Variants in VAMP7 observed in about 807,000 individuals in gnomAD.
VAMP7 encodes the protein vesicle-associated membrane protein 7.
In VAMP7, 14 loss-of-function variants were observed where a neutral mutation model predicts 29.6. That is an observed-to-expected ratio of 0.47 (90% CI 0.31 to 0.74). The LOEUF (loss-of-function observed/expected upper bound fraction) is 0.74, where lower values mean the gene tolerates loss of function less well. Ranked by LOEUF, VAMP7 falls within the 30% of genes least tolerant of loss-of-function variation. The probability of loss-of-function intolerance (pLI) is 0.05; values close to 1 mark genes in which losing one functional copy is unlikely to be tolerated. For synonymous variants in VAMP7, 95 were observed against 88.1 expected, an observed-to-expected ratio of 1.08 and a Z score of -0.44; for missense variants, 223 against 262.4, an observed-to-expected ratio of 0.85 and a Z score of 1.04.
chrX:155,895,404 A>T (rs1411537859), intron 2 of VAMP7, among the ~76,000 whole-genome samples: 2 of 152,138 alleles, frequency 1.3e-5, no homozygotes, highest in African/African-American at 4.8e-5. Context: ...CTGTTGTGCT[A>T]TGTAGCTAGA....
chrX:155,912,821 A>G (rs758041840), intron 5 of VAMP7, among the ~76,000 whole-genome samples: 1 of 152,278 alleles, frequency 6.6e-6, no homozygotes, highest in East Asian at 1.9e-4. Flanking sequence ...CAATAAACAT[A>G]CGTGTGCATG....
intron 6 of VAMP7, among the ~76,000 whole-genome samples, chrX:155,928,384 T>G (rs2066500933): frequency 6.6e-6 from 1 of 152,158 alleles, no homozygotes; most frequent in African/African-American, 2.4e-5. Context: ...AAGTTCAAAA[T>G]CAGTTTAACT....
chrX:155,942,422 A>AT lies in VAMP7; in HGVS notation c.*474dup. The AT allele has an allele frequency of 2.5e-6, 1 of 403,988 alleles. No individual in the cohort carries two copies. The highest frequency in any genetic ancestry group is 4.7e-5 in the South Asian group (1 of 21,392). The allele number at this position is 403,988 out of a possible 1,614,324, so 25.0% of individuals were successfully genotyped here. ...ACAATATAAATGGATAATAGTTGTT[A>AT]TTTGGGGAATTGTAATGATGTTGGT... On this transcript the variant is annotated 3_prime_UTR_variant, in exon 8 of 8. Transcript: ENST00000286448.
chrX:155,896,877 T>G (rs1238402367), intron 3 of VAMP7, among the ~76,000 whole-genome samples: 2 of 152,168 alleles, frequency 1.3e-5, no homozygotes, highest in Non-Finnish European at 2.9e-5. Context: ...TTGTTTTCTT[T>G]TTTTAATTTT....
At chrX:155,890,892 A>T (rs2065918681) in intron 2 of VAMP7, among the ~76,000 whole-genome samples, 2 of 152,160 alleles carry the variant, frequency 1.3e-5, no homozygotes, top group African/African-American at 2.4e-5. Flanking sequence ...CTAAGCTACT[A>T]TGAGAGAGAC....
At chrX:155,938,145 A>G (rs780161650) in intron 6 of VAMP7, among the ~76,000 whole-genome samples, 2 of 152,238 alleles carry the variant, frequency 1.3e-5, no homozygotes, top group Admixed American at 1.3e-4. Context: ...CTGTTATTCT[A>G]TCTTGTTTCC....
At chrX:155,928,898 A>C (rs1293794041) in intron 6 of VAMP7, among the ~76,000 whole-genome samples, 1 of 152,180 alleles carries the variant, frequency 6.6e-6, no homozygotes, top group Non-Finnish European at 1.5e-5. Context: ...TTCATTCCTC[A>C]CTGCTTTTTC....
chrX:155,891,272 C>A (rs1208991144), intron 2 of VAMP7, among the ~76,000 whole-genome samples: 1 of 152,198 alleles, frequency 6.6e-6, no homozygotes, highest in Non-Finnish European at 1.5e-5. Flanking sequence ...GACTTGCAGT[C>A]TTCCAGTCTA....
chrX:155,933,055 A>C (rs1464940800), intron 6 of VAMP7, among the ~76,000 whole-genome samples: 3 of 152,144 alleles, frequency 2.0e-5, no homozygotes, highest in Admixed American at 1.3e-4. Flanking sequence ...GATGAAGCCC[A>C]CTTGATCATG....
At chrX:155,896,543 G>A (rs1184953098) in intron 3 of VAMP7, among the ~76,000 whole-genome samples, 1 of 152,078 alleles carries the variant, frequency 6.6e-6, no homozygotes, top group Admixed American at 6.6e-5. Context: ...TCTCTTCTCT[G>A]CTTATCTCCG....
intron 6 of VAMP7, among the ~76,000 whole-genome samples, chrX:155,936,935 T>G (rs1297605129): frequency 6.6e-6 from 1 of 152,130 alleles, no homozygotes; most frequent in African/African-American, 2.4e-5. Context: ...CACTGAAAAT[T>G]ATAAAACATT....
At chrX:155,890,022 G>A (rs2065908515) in intron 2 of VAMP7, among the ~76,000 whole-genome samples, 1 of 152,062 alleles carries the variant, frequency 6.6e-6, no homozygotes, top group East Asian at 1.9e-4. Context: ...GCCCTCATAA[G>A]GGTTATAGTT....
chrX:155,925,778 G>T (rs1233648931), intron 6 of VAMP7, among the ~76,000 whole-genome samples: 3 of 152,142 alleles, frequency 2.0e-5, no homozygotes, highest in Admixed American at 2.0e-4. Flanking sequence ...GTGAGCAGAG[G>T]GGTGACTTTG....
chrX:155,916,886 A>G (rs2066321420), intron 5 of VAMP7, among the ~76,000 whole-genome samples: 1 of 151,956 alleles, frequency 6.6e-6, no homozygotes, highest in Admixed American at 6.6e-5. Context: ...GTATTTCCCA[A>G]ATTTGAATGT....
At chrX:155,895,082 C>G (rs1245777259) in intron 2 of VAMP7, among the ~76,000 whole-genome samples, 2 of 152,282 alleles carry the variant, frequency 1.3e-5, no homozygotes, top group East Asian at 3.9e-4. Flanking sequence ...TTTAACTTTC[C>G]TGTCATCCTG....
intron 6 of VAMP7, among the ~76,000 whole-genome samples, chrX:155,927,408 G>GAAA (rs35677127): frequency 1.6e-5 from 2 of 126,956 alleles, no homozygotes; most frequent in Non-Finnish European, 3.2e-5. Flanking sequence ...GGCCAAGCAG[G>GAAA]AAAAAAAAAA....
chrX:155,882,610 C>G (rs2124205073), intron 1 of VAMP7, among the ~76,000 whole-genome samples: 1 of 152,210 alleles, frequency 6.6e-6, no homozygotes, highest in South Asian at 2.1e-4. Context: ...TGGTTTATTC[C>G]TTCTAAGACC....
At chrX:155,892,690 T>C (rs1284498471) in intron 2 of VAMP7, among the ~76,000 whole-genome samples, 1 of 152,130 alleles carries the variant, frequency 6.6e-6, no homozygotes, top group Non-Finnish European at 1.5e-5. Flanking sequence ...ACACTCTTTT[T>C]ATGTGTCTAC....
chrX:155,900,619 G>A (rs1435824646), intron 5 of VAMP7, 32 bp downstream of exon 5: 44 of 1,553,020 alleles, frequency 2.8e-5, no homozygotes, highest in Non-Finnish European at 3.9e-5. Flanking sequence ...CATGCATGTG[G>A]GCAAAAATGA....
Sources: allele counts gnomAD v4.1 joint callset (sites outside exome capture counted in the v4.1 genomes callset), GRCh38; gene constraint gnomAD v4.1.1; transcripts MANE v1.5; gene names NCBI Gene and HGNC (gene_info 2026-07-23, HGNC 2026-07-21).